The following MAGEA11 variants were observed in gnomAD, a reference collection of about 807,000 sequenced individuals.
The protein encoded by MAGEA11 is melanoma-associated antigen 11.
A neutral mutation model predicts 8.4 loss-of-function variants in MAGEA11; 1 was observed. The observed-to-expected ratio is 0.12, with a 90% CI of 0.04 to 0.57. The LOEUF is 0.57. Among genes scored for constraint, MAGEA11 ranks in the 20% least tolerant of loss-of-function variants. The pLI is 0.91. For missense variants in MAGEA11, 209 were observed against 317.3 expected (o/e 0.66, Z 2.59); for synonymous variants, 127 against 119.3 (o/e 1.06, Z -0.42).
intron 2 of MAGEA11, chrX:149,714,109 C>T (rs1268930420): frequency 6.9e-6 from 1 of 144,518 alleles, no homozygotes; most frequent in African/African-American, 3.1e-5. Flanking sequence ...GTATGTGTCC[C>T]CTTGGTGAGG....
At chrX:149,708,843 T>C (rs2090387803), upstream of MAGEA11, among the ~76,000 whole-genome samples, 1 of 111,294 alleles carries the variant, frequency 9.0e-6, no homozygotes, top group Non-Finnish European at 1.9e-5. Context: ...AGATTAGTAA[T>C]GGATTGAAGA....
intron 1 of MAGEA11, among the ~76,000 whole-genome samples, chrX:149,699,324 G>T (rs1297540037): frequency 9.0e-6 from 1 of 111,488 alleles, no homozygotes; most frequent in African/African-American, 3.3e-5. Flanking sequence ...TTGGAGGAGG[G>T]GTCCCTTTTA....
At chrX:149,709,718 A>G (rs2090391561), upstream of MAGEA11, among the ~76,000 whole-genome samples, 1 of 112,435 alleles carries the variant, frequency 8.9e-6, no homozygotes, top group Admixed American at 9.4e-5. Flanking sequence ...CTATATTAAC[A>G]AGATTATAGA....
upstream of MAGEA11, chrX:149,711,943 C>CCGCCT (rs2090402871): frequency 2.4e-6 from 1 of 411,264 alleles, no homozygotes; most frequent in Non-Finnish European, 3.0e-6. Context: ...CCGCCCCGCC[C>CCGCCT]CGCCTCGCCT....
At chrX:149,703,519 A>T (rs2090362834) in intron 1 of MAGEA11, among the ~76,000 whole-genome samples, 1 of 111,469 alleles carries the variant, frequency 9.0e-6, no homozygotes, top group African/African-American at 3.3e-5. Context: ...GATTGGATGC[A>T]GGGAGGGTGA....
chrX:149,688,655 CACATACAT>C (rs2090296756), upstream of MAGEA11, among the ~76,000 whole-genome samples: 1 of 80,136 alleles, frequency 1.2e-5, no homozygotes, highest in Non-Finnish European at 2.3e-5. Context: ...TATACATATA[CACATACAT>C]ATACATATAC....
rs1467192807 is a variant in MAGEA11 at position 149,712,098 on chromosome X, G to A, written c.-82G>A. The A allele has an allele frequency of 5.1e-5, 38 of 750,285 alleles. No homozygotes were observed. Among genetic ancestry groups the A allele is most frequent in the South Asian group, 3.4e-4 (5 of 14,528 alleles). The allele number at this position is 750,285 out of a possible 1,213,427, so 61.8% of individuals were successfully genotyped here. ...TCTGGGATCTGAGAGAAGCGAAAGC[G>A]TCTTTCTGAGGGGTGTCTTGAGAGT... is the stretch of plus-strand genomic sequence containing the variant. On this transcript the variant is annotated 5_prime_UTR_variant, in exon 1 of 5. Transcript: ENST00000355220.
At chrX:149,694,156 G>A (rs971069213) in intron 1 of MAGEA11, among the ~76,000 whole-genome samples, 13 of 111,954 alleles carry the variant, frequency 1.2e-4, no homozygotes, top group African/African-American at 3.9e-4. Flanking sequence ...TTTCATAGCA[G>A]GTGCATCATT....
chrX:149,716,065 T>C lies in MAGEA11; in HGVS notation c.579T>C (p.Ser193=), dbSNP rs1557362462. 1 of 1,212,015 alleles carries C rather than the reference T, an allele frequency of 8.3e-7. No homozygotes were observed. The highest frequency in any genetic ancestry group is 2.2e-5 in the Admixed American group (1 of 46,068). ...TGGATGCCATCTTTGGGAGCCTATCTGATGAGGGCTCTGGCAGCCAAGAAA... is the reference window on the plus strand; with the variant it reads ...TGGATGCCATCTTTGGGAGCCTATCCGATGAGGGCTCTGGCAGCCAAGAAA... ...TAMDAIFGSL[S]DEGSGSQEKE... The change falls in exon 5 of 5, where the codon TCT becomes TCC. Residue 193 remains serine (S), a synonymous_variant. Transcript: ENST00000355220.
At chrX:149,702,565 T>A (rs1002479917) in intron 1 of MAGEA11, among the ~76,000 whole-genome samples, 1 of 111,218 alleles carries the variant, frequency 9.0e-6, no homozygotes, top group Admixed American at 9.6e-5. Context: ...TTTAGATGTA[T>A]ACATCTATAT....
chrX:149,690,803 T>C (rs376383568), intron 1 of MAGEA11, among the ~76,000 whole-genome samples: 1 of 111,878 alleles, frequency 8.9e-6, no homozygotes, highest in African/African-American at 3.2e-5. Flanking sequence ...CTGGAGGACT[T>C]ACTTTAACAT....
At chrX:149,696,933 T>C (rs1307872845) in intron 1 of MAGEA11, among the ~76,000 whole-genome samples, 1 of 112,143 alleles carries the variant, frequency 8.9e-6, no homozygotes, top group African/African-American at 3.2e-5. Context: ...GGAGACAGCA[T>C]GGAAGAAATA....
intron 1 of MAGEA11, among the ~76,000 whole-genome samples, chrX:149,700,046 A>G (rs1281740875): frequency 9.0e-6 from 1 of 111,364 alleles, no homozygotes; most frequent in African/African-American, 3.3e-5. Context: ...GCATGGGGGG[A>G]CCCTCCCCCA....
upstream of MAGEA11, among the ~76,000 whole-genome samples, chrX:149,688,563 A>G (rs1249602762): frequency 1.8e-5 from 2 of 111,304 alleles, no homozygotes; most frequent in Admixed American, 1.9e-4. Flanking sequence ...TTAATGAAAG[A>G]TATTCGTATT....
chrX:149,716,823 A>C lies in MAGEA11; in HGVS notation c.*47A>C, dbSNP rs942672440. 7 of 1,104,370 alleles carry C rather than the reference A, an allele frequency of 6.3e-6. No homozygotes were observed. The highest frequency in any genetic ancestry group is 2.5e-5 in the Admixed American group (1 of 39,249). 91.0% of individuals were successfully genotyped at this position (1,104,370 alleles called of 1,213,427 possible). A position where few individuals can be genotyped will look rare whatever the true frequency, so the allele number is the denominator to read the frequency against. On this transcript the variant is annotated 3_prime_UTR_variant, in exon 5 of 5. Transcript: ENST00000355220. ...AGCGGGCAGGGAAATGGGCCAATGC[A>C]TGCTTCAGGGCCACACCCAGCAGTT...
chrX:149,712,244 C>T (rs1557361988), intron 1 of MAGEA11, 82 bp downstream of exon 1: 1 of 534,952 alleles, frequency 1.9e-6, no homozygotes, highest in Non-Finnish European at 2.3e-6. Flanking sequence ...TGGAGCCAGC[C>T]CTGAAACAAC....
chrX:149,708,990 T>TAA (rs11422584), upstream of MAGEA11, among the ~76,000 whole-genome samples: 108 of 101,456 alleles, frequency 1.1e-3, no homozygotes, highest in East Asian at 3.7e-3. Context: ...CTATATTTTA[T>TAA]AAAAAAAAAA....
intron 1 of MAGEA11, among the ~76,000 whole-genome samples, chrX:149,701,796 T>A (rs2090355024): frequency 9.0e-6 from 1 of 111,590 alleles, no homozygotes; most frequent in South Asian, 3.8e-4. Context: ...GCTAGCCAGT[T>A]TTCCCAGCAC....
Position 149,716,722 on chromosome X carries a change from T to G in MAGEA11, c.1236T>G (p.Thr412=). Residue 412 remains threonine, a synonymous_variant, in exon 5 of 5, where the codon ACT becomes ACG. Transcript: ENST00000355220. ...YIANANGRDP[T]SYPSLYEDAL... is the part of the protein sequence containing the mutation. Reference sequence around the variant, plus strand: ...CCAATGCCAATGGGAGGGATCCCACTTCTTACCCATCCCTGTATGAAGATG... The same window carrying G: ...CCAATGCCAATGGGAGGGATCCCACGTCTTACCCATCCCTGTATGAAGATG... 1 of 1,207,945 alleles carries G rather than the reference T, an allele frequency of 8.3e-7. No individual in the cohort carries two copies. Among genetic ancestry groups the G allele is most frequent in the Non-Finnish European group, 1.1e-6 (1 of 893,677 alleles).
Sources: gnomAD v4.1 joint callset for allele counts (sites outside exome capture counted in the v4.1 genomes callset) on GRCh38, gnomAD v4.1.1 for gene constraint, MANE v1.5 for transcripts, NCBI Gene and HGNC (gene_info 2026-07-23, HGNC 2026-07-21) for gene names.